Variants in NCOR2 observed in about 807,000 individuals in gnomAD.
The protein encoded by NCOR2 is CTG repeat protein 26.
A neutral mutation model predicts 262.9 loss-of-function variants in NCOR2; 81 were observed. The ratio of observed to expected loss-of-function variants is 0.31; its 90% confidence interval spans 0.26 to 0.37. NCOR2 has a LOEUF of 0.37. NCOR2 is among the 10% of genes least tolerant of loss of function. NCOR2 has a pLI of 1.00. For missense variants in NCOR2, 3,385 were observed against 3,621.4 expected (o/e 0.93, Z 1.68); for synonymous variants, 1,659 against 1,559.3 (o/e 1.06, Z -1.51).
In NCOR2 at chr12:124,531,684, C is replaced by T. The variant is rs1441747887; in HGVS notation, c.-118+3881G>A. Reference sequence around the variant, plus strand: ...CTCTCCTCCCCACCCAAGCAGGGCCCAGGGCCCCGTCCAACTGGGGTTAAA... The same window carrying T: ...CTCTCCTCCCCACCCAAGCAGGGCCTAGGGCCCCGTCCAACTGGGGTTAAA... On this transcript the variant is annotated intron_variant, in intron 1 of 46. Coordinates refer to the NCOR2 transcript ENST00000404621. The surrounding 1 kb of genome is among the most constrained non-coding windows in gnomAD (Gnocchi z 4.5). Among the ~76,000 whole-genome samples the T allele has an allele frequency of 6.6e-6, 1 of 152,008 alleles. No individual in the cohort carries two copies. The highest frequency in any genetic ancestry group is 1.5e-5 in the Non-Finnish European group (1 of 67,952).
intron 13 of NCOR2, among the ~76,000 whole-genome samples, chr12:124,412,805 G>C (rs2042653296): frequency 6.6e-6 from 1 of 152,254 alleles, no homozygotes; most frequent in Non-Finnish European, 1.5e-5. Flanking sequence ...TGTGGGGTGA[G>C]GGGTGCGGCC....
At chr12:124,325,640 TG>T in intron 46 of NCOR2, 57 bp from the exon 49 acceptor site, 1 of 1,185,212 alleles carries the variant, frequency 8.4e-7, no homozygotes, top group Non-Finnish European at 1.1e-6. Flanking sequence ...CAGCCCCTGC[TG>T]GCCGCCTGCC....
chr12:124,561,999 G>A (rs551652763), intron 1 of NCOR2: 2 of 152,354 alleles, frequency 1.3e-5, no homozygotes, highest in Admixed American at 6.5e-5. Context: ...CTTGGTGACA[G>A]AGCAAGACCC....
intron 18 of NCOR2, among the ~76,000 whole-genome samples, chr12:124,376,820 CAAG>C (rs1251441469): frequency 3.3e-5 from 5 of 152,220 alleles, no homozygotes; most frequent in Admixed American, 6.5e-5. Context: ...ACAGGAACAA[CAAG>C]AAGGACCCCA....
chr12:124,514,606 A>G (rs701042), intron 1 of NCOR2: 122,146 of 152,014 alleles, frequency 0.8, 50,273 homozygotes, highest in East Asian at 0.98. Flanking sequence ...TAGCACTTTG[A>G]GAGGCCGAGG....
At chr12:124,395,097 G>C (rs1322684747) in intron 16 of NCOR2, among the ~76,000 whole-genome samples, 5 of 152,202 alleles carry the variant, frequency 3.3e-5, no homozygotes, top group Non-Finnish European at 7.3e-5. Context: ...CCGAGGGAGG[G>C]GTGGGGCTGG....
Position 124,443,647 on chromosome 12 carries a change from C to T in NCOR2, c.816-5651G>A, listed in dbSNP as rs1565949276. Among the ~76,000 whole-genome samples, 1 of 152,074 alleles carries T rather than the reference C, an allele frequency of 6.6e-6. No homozygotes were observed. Among genetic ancestry groups the T allele is most frequent in the Non-Finnish European group, 1.5e-5 (1 of 68,010 alleles). Reference sequence around the variant, plus strand: ...CCTCCCAAGTAACTGGGGCTATAGGCACGTGCCACTACGCCCAGCTAATTT... The same window carrying T: ...CCTCCCAAGTAACTGGGGCTATAGGTACGTGCCACTACGCCCAGCTAATTT... On this transcript the variant is annotated intron_variant, in intron 7 of 46. Coordinates refer to ENST00000405201, the Ensembl canonical transcript of NCOR2. This position sits in a 1 kb window ranked among gnomAD's most constrained non-coding sequence, Gnocchi z 4.4.
chr12:124,475,124 G>T (rs1385553262), intron 3 of NCOR2, among the ~76,000 whole-genome samples: 1 of 152,152 alleles, frequency 6.6e-6, no homozygotes, highest in African/African-American at 2.4e-5. Context: ...CTGTTACCAT[G>T]TGAGATGTGG....
At chr12:124,411,030 G>T (rs1338862267) in intron 13 of NCOR2, among the ~76,000 whole-genome samples, 2 of 148,562 alleles carry the variant, frequency 1.3e-5, no homozygotes, top group Admixed American at 1.3e-4. Context: ...ACAGGGTGAG[G>T]AGGGGAGGGG....
At chr12:124,524,962 G>A (rs779190923) in intron 1 of NCOR2, among the ~76,000 whole-genome samples, 69 of 152,220 alleles carry the variant, frequency 4.5e-4, no homozygotes, top group Non-Finnish European at 8.1e-4. Context: ...AACATGCCAC[G>A]TGCCCAATAC....
In NCOR2 at chr12:124,504,118, G is replaced by A. The variant is rs1052809614; in HGVS notation, c.-117-8750C>T. The stretch of plus-strand genomic sequence containing the variant: ...ACCTGGCACCACTTCTCCCTTTTCA[G>A]CATAAACCAGCACATCTTCCCCTTG... On this transcript the variant is annotated intron_variant, in intron 1 of 46. Coordinates refer to the NCOR2 transcript ENST00000404621. This position sits in a 1 kb window ranked among gnomAD's most constrained non-coding sequence, Gnocchi z 4.5. Among the ~76,000 whole-genome samples, 2 of 152,180 alleles carry A rather than the reference G, an allele frequency of 1.3e-5. No individual in the cohort carries two copies. Among genetic ancestry groups the A allele is most frequent in the African/African-American group, 4.8e-5 (2 of 41,432 alleles).
intron 6 of NCOR2, among the ~76,000 whole-genome samples, chr12:124,453,736 A>T (rs1301153237): frequency 6.6e-6 from 1 of 152,222 alleles, no homozygotes; most frequent in South Asian, 2.1e-4. Context: ...AATGACTCAA[A>T]GCGGCAGAGA....
At chr12:124,406,926 T>C (rs2042307195) in intron 13 of NCOR2, among the ~76,000 whole-genome samples, 2 of 152,242 alleles carry the variant, frequency 1.3e-5, no homozygotes, top group East Asian at 3.8e-4. Flanking sequence ...TGAGGCCTTC[T>C]TCTCCTAATC....
chr12:124,566,707 C>A lies in NCOR2; in HGVS notation c.-165+601G>T, dbSNP rs2052251929. 6.6e-6 allele frequency among the ~76,000 whole-genome samples: 1 copy of A among 152,208 alleles called. No individual in the cohort carries two copies. Among genetic ancestry groups the A allele is most frequent in the African/African-American group, 2.4e-5 (1 of 41,456 alleles). On this transcript the variant is annotated intron_variant, in intron 1 of 32. Transcript: ENST00000458234. The surrounding 1 kb of genome is among the most constrained non-coding windows in gnomAD (Gnocchi z 4.3). Reference sequence around the variant, plus strand: ...AGCCACGGGAGGCAGGCCCAGACACCAGGAACACCGGCCCGCGGGGGAGGG... The same window carrying A: ...AGCCACGGGAGGCAGGCCCAGACACAAGGAACACCGGCCCGCGGGGGAGGG...
At chr12:124,495,388 GA>G (rs1469911604), upstream of NCOR2, 1 of 1,433,098 alleles carries the variant, frequency 7.0e-7, no homozygotes, top group Non-Finnish European at 9.1e-7. The surrounding 1 kb of genome is among the most constrained non-coding windows in gnomAD (Gnocchi z 4.4). Context: ...AACAAGAAAA[GA>G]AAAACAAGAT....
intron 13 of NCOR2, among the ~76,000 whole-genome samples, chr12:124,416,569 ACCCCGCGGCACAGGGAGT>A (rs1260730580): frequency 9.2e-5 from 12 of 130,596 alleles, no homozygotes; most frequent in Non-Finnish European, 1.6e-5. Context: ...GCACAGATAG[ACCCCGCGGCACAGGGAGT>A]CCCCGCGGCA....
chr12:124,402,512 GGCTGCTGCTGCTGCTGCT>G (rs35831183), exon 14 of NCOR2: 60 of 1,459,410 alleles, frequency 4.1e-5, no homozygotes, highest in Middle Eastern at 3.7e-4. Context: ...GCGGGGCATG[GGCTGCTGCTGCTGCTGCT>G]GCTGCTGCTG....
chr12:124,563,804 G>A (rs2052146770), intron 1 of NCOR2, among the ~76,000 whole-genome samples: 1 of 152,228 alleles, frequency 6.6e-6, no homozygotes, highest in African/African-American at 2.4e-5. Flanking sequence ...CCCACCTGGG[G>A]CAAAGATCCG....
intron 3 of NCOR2, among the ~76,000 whole-genome samples, chr12:124,473,629 C>G (rs995137439): frequency 6.6e-6 from 1 of 152,010 alleles, no homozygotes; most frequent in African/African-American, 2.4e-5. Flanking sequence ...TCTAGAGAAC[C>G]CTGACTAATG....
Sources: gnomAD v4.1 joint callset for allele counts (sites outside exome capture counted in the v4.1 genomes callset) on GRCh38, gnomAD v4.1.1 for gene constraint, Gnocchi (gnomAD v3.1) non-coding constraint, MANE v1.5 for transcripts, NCBI Gene and HGNC (gene_info 2026-07-23, HGNC 2026-07-21) for gene names.